The following FRMD6 variants were observed in gnomAD, a reference collection of about 807,000 sequenced individuals.
The protein encoded by FRMD6 is FERM domain containing 6.
In FRMD6, 37 loss-of-function variants were observed where a neutral mutation model predicts 73.2. That is an observed-to-expected ratio of 0.51 (90% CI 0.39 to 0.66). FRMD6 has a LOEUF of 0.66. Ranked by LOEUF, FRMD6 falls within the 30% of genes least tolerant of loss-of-function variation. FRMD6 has a pLI of 0.00. For synonymous variants in FRMD6, 273 were observed against 282.2 expected (o/e 0.97, Z 0.33); for missense variants, 714 against 780.5 (o/e 0.91, Z 1.02).
rs35803305 is a variant in FRMD6, at chr14:51,532,368, CAAAA to C, written c.-209-37964_-209-37961del. ...TGGGTGACAGAGCGAGACTCCATCT[CAAAA>C]AAAAAAAAAAAAAAAGAAATTATTA... is the stretch of plus-strand genomic sequence containing the variant. On this transcript the variant is annotated intron_variant, in intron 1 of 14. Transcript: ENST00000356218. Among the ~76,000 whole-genome samples the C allele has an allele frequency of 4.4e-3, 514 of 117,856 alleles. 2 individuals are homozygous for C. Among genetic ancestry groups the C allele is most frequent in the South Asian group, 0.026 (101 of 3,844 alleles). The allele number at this position is 117,856 out of a possible 152,430, so 77.3% of individuals were successfully genotyped here.
At chr14:51,601,014 A>G (rs886591894) in intron 2 of FRMD6, among the ~76,000 whole-genome samples, 2 of 152,240 alleles carry the variant, frequency 1.3e-5, no homozygotes, top group African/African-American at 2.4e-5. Flanking sequence ...CAATTTTTAG[A>G]ACATAGAGGT....
chr14:51,712,319 G>A (rs1896988630), intron 8 of FRMD6, among the ~76,000 whole-genome samples, 164 bp from the exon 9 acceptor site: 1 of 152,216 alleles, frequency 6.6e-6, no homozygotes, highest in Non-Finnish European at 1.5e-5. Context: ...CCACAGAATT[G>A]TTATCATGAA....
intron 1 of FRMD6, among the ~76,000 whole-genome samples, chr14:51,545,515 T>A (rs1226060585): frequency 1.3e-5 from 2 of 152,136 alleles, no homozygotes; most frequent in African/African-American, 4.8e-5. Flanking sequence ...AACTGTCAGT[T>A]GCTTGAAATC....
intron 2 of FRMD6, among the ~76,000 whole-genome samples, chr14:51,595,629 A>G (rs1295825005): frequency 6.6e-6 from 1 of 152,234 alleles, no homozygotes; most frequent in Non-Finnish European, 1.5e-5. Flanking sequence ...CAAAGATGGC[A>G]AGGGGAAGCC....
At chr14:51,616,138 G>A (rs1000530601) in intron 2 of FRMD6, among the ~76,000 whole-genome samples, 3 of 152,168 alleles carry the variant, frequency 2.0e-5, no homozygotes, top group African/African-American at 4.8e-5. Context: ...GTAGAAAGGC[G>A]CATGAGAGGA....
chr14:51,725,711 A>T, intron 12 of FRMD6, 68 bp from the exon 13 acceptor site: 1 of 1,175,746 alleles, frequency 8.5e-7, no homozygotes, highest in Non-Finnish European at 1.3e-6. Flanking sequence ...GCAATATGTC[A>T]GAATATATGG....
chr14:51,680,180 G>C (rs1012385294), intron 1 of FRMD6, among the ~76,000 whole-genome samples: 1 of 152,162 alleles, frequency 6.6e-6, no homozygotes, highest in Admixed American at 6.6e-5. Context: ...CTGTAACCAG[G>C]CTTCTCATCT....
At chr14:51,512,593 T>C (rs1024500707) in intron 1 of FRMD6, among the ~76,000 whole-genome samples, 2 of 152,080 alleles carry the variant, frequency 1.3e-5, no homozygotes, top group Non-Finnish European at 2.9e-5. Context: ...CTCCTTCTGA[T>C]AGCTGATGTA....
chr14:51,718,588 C>T (rs538058163), intron 10 of FRMD6, among the ~76,000 whole-genome samples: 8 of 152,232 alleles, frequency 5.3e-5, no homozygotes, highest in African/African-American at 1.9e-4. Flanking sequence ...CTTCATCTCA[C>T]ACCTGCTGAT....
In FRMD6 at chr14:51,698,168, G is replaced by A. The variant is rs1310920621; in HGVS notation, c.126G>A (p.Leu42=). Residue 42 remains leucine, a synonymous_variant, in exon 3 of 14, where the codon CTG becomes CTA. Transcript: ENST00000344768. The stretch of plus-strand genomic sequence containing the variant: ...TTAAGATTCTGTGTCACCAGTTGCT[G>A]GTCCAGGTTTGTGACCTGCTCAGGC... ...INVKILCHQL[L]VQVCDLLRLK... is the part of the protein sequence containing the mutation. 6.2e-7 allele frequency: 1 copy of A among 1,612,140 alleles called. No individual in the cohort carries two copies. The highest frequency in any genetic ancestry group is 8.5e-7 in the Non-Finnish European group (1 of 1,178,756).
At chr14:51,429,657 T>G in the FRMD6 span, among the ~76,000 whole-genome samples, 1 of 152,190 alleles carries the variant, frequency 6.6e-6, no homozygotes, top group East Asian at 1.9e-4. Context: ...GACCAAGCAC[T>G]GGACAGGAGT....
At chr14:51,658,328 T>TCTC (rs374420069) in intron 1 of FRMD6, among the ~76,000 whole-genome samples, 4 of 151,174 alleles carry the variant, frequency 2.6e-5, no homozygotes, top group South Asian at 2.1e-4. Flanking sequence ...TTTCCCTTTT[T>TCTC]TCTCTCTCTC....
the FRMD6 span, chr14:51,436,313 T>C: frequency 5.2e-6 from 2 of 381,286 alleles, no homozygotes; most frequent in Non-Finnish European, 5.1e-6. Flanking sequence ...AAATCCCAGA[T>C]TTTTGGGTAA....
intron 7 of FRMD6, chr14:51,708,478 G>C: frequency 3.0e-6 from 1 of 332,274 alleles, no homozygotes; most frequent in Admixed American, 4.6e-5. Context: ...ATGACAATTG[G>C]CTATAAGATG....
At chr14:51,538,339 C>T (rs1446595422) in intron 1 of FRMD6, among the ~76,000 whole-genome samples, 2 of 151,804 alleles carry the variant, frequency 1.3e-5, no homozygotes, top group Non-Finnish European at 2.9e-5. Flanking sequence ...TATTTTGTCC[C>T]ATTCTGTGGG....
chr14:51,471,786 A>G, the FRMD6 span, among the ~76,000 whole-genome samples: 1 of 152,216 alleles, frequency 6.6e-6, no homozygotes, highest in African/African-American at 2.4e-5. Context: ...TTCAAATAAT[A>G]ACAGAGTTTA....
chr14:51,446,753 G>A, the FRMD6 span, among the ~76,000 whole-genome samples: 2 of 152,154 alleles, frequency 1.3e-5, no homozygotes, highest in African/African-American at 2.4e-5. Flanking sequence ...CTGTGATTGG[G>A]GTGAGGGCAG....
chr14:51,562,503 G>A (rs571763873), intron 1 of FRMD6, among the ~76,000 whole-genome samples: 1 of 152,296 alleles, frequency 6.6e-6, no homozygotes, highest in East Asian at 1.9e-4. Context: ...GTACGAGTGG[G>A]AAGTCAACCA....
intron 1 of FRMD6, among the ~76,000 whole-genome samples, chr14:51,553,089 C>T (rs1886932623): frequency 6.6e-6 from 1 of 152,136 alleles, no homozygotes; most frequent in Non-Finnish European, 1.5e-5. Flanking sequence ...GTGAATAAGT[C>T]CTGATTTCTA....
Sources: gnomAD v4.1 joint callset for allele counts (sites outside exome capture counted in the v4.1 genomes callset) on GRCh38, gnomAD v4.1.1 for gene constraint, MANE v1.5 for transcripts, NCBI Gene and HGNC (gene_info 2026-07-23, HGNC 2026-07-21) for gene names.